PUM1: variants seen among roughly 807,000 people sequenced by gnomAD.
PUM1 encodes pumilio homolog 1.
PUM1 carries 13 observed loss-of-function variants against 131.8 expected under a neutral mutation model. That is an observed-to-expected ratio of 0.10 (90% CI 0.06 to 0.16). The LOEUF is 0.16. PUM1 is among the 10% of genes least tolerant of loss of function. The probability of loss-of-function intolerance (pLI) is 1.00; values close to 1 mark genes in which losing one functional copy is unlikely to be tolerated. For synonymous variants in PUM1, 509 were observed against 556.5 expected (o/e 0.91, Z 1.20); for missense variants, 961 against 1,512.4 (o/e 0.64, Z 6.05).
intron 9 of PUM1, among the ~76,000 whole-genome samples, chr1:30,978,620 A>G (rs971454548): frequency 2.0e-5 from 3 of 152,254 alleles, no homozygotes; most frequent in African/African-American, 7.2e-5. Flanking sequence ...TTTAGTCATG[A>G]TGAACTTGAC....
chr1:30,933,326 G>A lies in PUM1; in HGVS notation c.3452C>T (p.Ala1151Val). The A allele has an allele frequency of 1.2e-6, 2 of 1,613,858 alleles. No individual in the cohort carries two copies. The highest frequency in any genetic ancestry group is 1.7e-6 in the Non-Finnish European group (2 of 1,179,846). Residue 1151 changes from alanine (A) to valine (V), a missense_variant, in exon 22 of 22, where the codon GCA becomes GTA. Ala to Val is a moderately conservative substitution (Grantham distance 64). Coordinates refer to ENST00000426105, the MANE Select transcript of PUM1 (RefSeq NM_001020658.2). ...GCCATAGGTGTACTTACGAAGAGTTGCGATGTGGGGCCGGATCTGGGGAGG... is the reference window on the plus strand; with the variant it reads ...GCCATAGGTGTACTTACGAAGAGTTACGATGTGGGGCCGGATCTGGGGAGG... ...IVMHKIRPHI[A>V]TLRKYTYGKH... is the part of the protein sequence containing the mutation.
At chr1:30,935,146 G>A (rs1306217805) in intron 21 of PUM1, among the ~76,000 whole-genome samples, 1 of 152,102 alleles carries the variant, frequency 6.6e-6, no homozygotes, top group Non-Finnish European at 1.5e-5. Flanking sequence ...AAACTACAAA[G>A]GCCACATGGC....
chr1:31,037,919 A>C (rs927208325), intron 2 of PUM1, among the ~76,000 whole-genome samples: 1 of 151,576 alleles, frequency 6.6e-6, no homozygotes, highest in Non-Finnish European at 1.5e-5. Flanking sequence ...CTACTAAAAA[A>C]TACAAAAAAA....
At chr1:30,953,648 T>C in intron 15 of PUM1, 66 bp downstream of exon 15, 1 of 1,562,774 alleles carries the variant, frequency 6.4e-7, no homozygotes, top group Non-Finnish European at 8.8e-7. Context: ...TAGATACCCA[T>C]CTGAGCCAAG....
At chr1:30,978,189 C>A (rs1641216239) in intron 9 of PUM1, among the ~76,000 whole-genome samples, 1 of 152,072 alleles carries the variant, frequency 6.6e-6, no homozygotes, top group African/African-American at 2.4e-5. Context: ...GCAGAGACTG[C>A]AGTGAGCCGA....
intron 1 of PUM1, 139 bp from the exon 2 acceptor site, chr1:31,059,716 T>A: frequency 1.0e-6 from 1 of 981,058 alleles, no homozygotes; most frequent in South Asian, 1.7e-5. Context: ...GGTATTGGGA[T>A]CAGAACTCAA....
intron 20 of PUM1, among the ~76,000 whole-genome samples, chr1:30,939,706 G>T (rs1639364233): frequency 6.6e-6 from 1 of 152,064 alleles, no homozygotes; most frequent in Admixed American, 6.6e-5. Flanking sequence ...GTTATTAATT[G>T]TTGTAGCTGG....
At chr1:31,007,907 G>C (rs1164040697) in intron 3 of PUM1, among the ~76,000 whole-genome samples, 2 of 152,154 alleles carry the variant, frequency 1.3e-5, no homozygotes, top group African/African-American at 4.8e-5. Flanking sequence ...CAGTGACCAG[G>C]CTTACAAAGT....
intron 2 of PUM1, among the ~76,000 whole-genome samples, chr1:31,030,963 T>C (rs1643408357): frequency 6.6e-6 from 1 of 152,216 alleles, no homozygotes; most frequent in Non-Finnish European, 1.5e-5. Flanking sequence ...TTCAGTTAGT[T>C]ACATGAGCAC....
At chr1:30,938,269 G>T (rs1639296386) in intron 20 of PUM1, among the ~76,000 whole-genome samples, 1 of 151,482 alleles carries the variant, frequency 6.6e-6, no homozygotes, top group South Asian at 2.1e-4. Flanking sequence ...AAAAATTTTT[G>T]TTTGAGACAG....
At chr1:31,052,905 T>A (rs540838511) in intron 2 of PUM1, among the ~76,000 whole-genome samples, 2 of 152,036 alleles carry the variant, frequency 1.3e-5, no homozygotes, top group African/African-American at 4.8e-5. Flanking sequence ...GGTTTCATCA[T>A]GTTGCCCAGG....
intron 3 of PUM1, among the ~76,000 whole-genome samples, chr1:31,027,336 A>G (rs888710253): frequency 2.0e-5 from 3 of 152,234 alleles, no homozygotes; most frequent in African/African-American, 7.2e-5. Context: ...GGAATACACC[A>G]GCTTAGAATT....
At chr1:31,038,970 ATATATATATATATATTTT>A (rs1472374006) in intron 2 of PUM1, among the ~76,000 whole-genome samples, 1 of 29,778 alleles carries the variant, frequency 3.4e-5, no homozygotes, top group South Asian at 1.3e-3. Flanking sequence ...ATATATATAT[ATATATATATATATATTTT>A]TTTTTTTTTT....
intron 13 of PUM1, among the ~76,000 whole-genome samples, chr1:30,965,594 T>A (rs1640585457): frequency 6.6e-6 from 1 of 152,330 alleles, no homozygotes; most frequent in Admixed American, 6.5e-5. Context: ...TGTAACTCTT[T>A]AAGGCCTGCA....
intron 7 of PUM1, among the ~76,000 whole-genome samples, chr1:30,985,348 A>G (rs939742548): frequency 3.3e-5 from 5 of 152,094 alleles, no homozygotes; most frequent in African/African-American, 4.8e-5. Flanking sequence ...GACTCCTCCT[A>G]GTCTGTATTA....
chr1:31,028,658 C>T, intron 3 of PUM1, 138 bp downstream of exon 3: 1 of 776,768 alleles, frequency 1.3e-6, no homozygotes, highest in Middle Eastern at 2.3e-4. Context: ...CTCCAGCATC[C>T]CGTTCCTATC....
intron 2 of PUM1, among the ~76,000 whole-genome samples, chr1:31,032,864 G>A (rs1346845700): frequency 2.0e-5 from 3 of 152,096 alleles, no homozygotes; most frequent in Admixed American, 6.5e-5. Flanking sequence ...CTAGCACTTT[G>A]GGAGGCTAAG....
intron 18 of PUM1, 81 bp downstream of exon 18, chr1:30,945,264 GA>G: frequency 6.7e-7 from 1 of 1,487,280 alleles, no homozygotes; most frequent in Non-Finnish European, 9.3e-7. Flanking sequence ...AGCATATTGA[GA>G]ACATGCCACA....
intron 6 of PUM1, among the ~76,000 whole-genome samples, chr1:30,994,645 T>C (rs1641919955): frequency 6.6e-6 from 1 of 152,148 alleles, no homozygotes; most frequent in African/African-American, 2.4e-5. Flanking sequence ...TTCTCAACTG[T>C]TTTTCCCTCT....
Sources: allele counts gnomAD v4.1 joint callset (sites outside exome capture counted in the v4.1 genomes callset), GRCh38; gene constraint gnomAD v4.1.1; transcripts MANE v1.5; gene names NCBI Gene and HGNC (gene_info 2026-07-23, HGNC 2026-07-21).